Variants in TTC28 observed in about 807,000 individuals in gnomAD.
TTC28 encodes the protein tetratricopeptide repeat domain 28, also known as tetratricopeptide repeat protein 28.
Under a neutral mutation model 198.0 loss-of-function variants are expected in TTC28, and 61 were observed. The ratio of observed to expected loss-of-function variants is 0.31; its 90% CI spans 0.25 to 0.38. The LOEUF is 0.38. TTC28 is among the 10% of genes least tolerant of loss of function. The probability of loss-of-function intolerance (pLI) is 1.00; values close to 1 mark genes in which losing one functional copy is unlikely to be tolerated. For missense variants in TTC28, 2,678 were observed against 3,164.0 expected (o/e 0.85, Z 3.69); for synonymous variants, 1,171 against 1,297.8 (o/e 0.90, Z 2.10).
intron 2 of TTC28, among the ~76,000 whole-genome samples, chr22:28,428,611 TTTTA>T (rs2047385268): frequency 1.4e-5 from 1 of 70,116 alleles, no homozygotes. Flanking sequence ...TGAATTATTA[TTTTA>T]TTTTATTTTA....
intron 5 of TTC28, among the ~76,000 whole-genome samples, chr22:28,175,748 A>G (rs2147093049): frequency 6.6e-6 from 1 of 152,328 alleles, no homozygotes; most frequent in South Asian, 2.1e-4. Flanking sequence ...AAAAATTAAA[A>G]AATGGGCAAA....
chr22:28,634,429 G>C (rs2051231116), intron 1 of TTC28, among the ~76,000 whole-genome samples: 1 of 147,492 alleles, frequency 6.8e-6, no homozygotes, highest in Non-Finnish European at 1.5e-5. Flanking sequence ...AGAATTGCTT[G>C]AACCTGGGAA....
intron 2 of TTC28, among the ~76,000 whole-genome samples, chr22:28,597,036 C>T (rs1283626303): frequency 3.3e-5 from 5 of 152,128 alleles, no homozygotes; most frequent in Admixed American, 6.5e-5. Context: ...AGGGTAATAC[C>T]GAGTCATACC....
At chr22:28,081,576 TCTGCCTC>T (rs1432852170) in intron 12 of TTC28, among the ~76,000 whole-genome samples, 1 of 151,264 alleles carries the variant, frequency 6.6e-6, no homozygotes, top group Non-Finnish European at 1.5e-5. Flanking sequence ...CACTGCAACC[TCTGCCTC>T]CTGGGTTCAA....
chr22:28,108,688 T>C lies in TTC28; in HGVS notation c.1442-285A>G, dbSNP rs1601324932. ...AAAGGCAAAACAATACTGGAAAATA[T>C]ATTAAACATAAATGAAAAAGTTCAA... On this transcript the variant is annotated intron_variant, in intron 6 of 22. Transcript: ENST00000397906. Among the ~76,000 whole-genome samples the C allele has an allele frequency of 3.9e-5, 6 of 152,310 alleles. No homozygotes were observed. The South Asian group carries it at 1.2e-3, about 32-fold the overall frequency.
At chr22:27,989,732 C>A in intron 21 of TTC28, 146 bp downstream of exon 21, 1 of 1,081,676 alleles carries the variant, frequency 9.2e-7, no homozygotes. Context: ...CATGCGTGAG[C>A]CACTGTACCC....
intron 2 of TTC28, among the ~76,000 whole-genome samples, chr22:28,622,342 C>A (rs1393284963): frequency 2.0e-5 from 3 of 152,100 alleles, no homozygotes; most frequent in Non-Finnish European, 4.4e-5. Flanking sequence ...ATGTACGGAA[C>A]AAATTTCAAA....
chr22:28,445,739 T>G (rs1392451584), intron 2 of TTC28, among the ~76,000 whole-genome samples: 1 of 152,142 alleles, frequency 6.6e-6, no homozygotes, highest in African/African-American at 2.4e-5. Flanking sequence ...AGATATCATA[T>G]AGAAAGGCTG....
intron 2 of TTC28, among the ~76,000 whole-genome samples, chr22:28,567,479 CATATATATATATATATATATATAT>C (rs398040471): frequency 5.9e-5 from 3 of 51,128 alleles, no homozygotes; most frequent in Admixed American, 7.1e-4. Context: ...TACATACATA[CATATATATATATATATATATATAT>C]ATATATGTTT....
intron 2 of TTC28, among the ~76,000 whole-genome samples, chr22:28,566,577 A>G (rs2049973179): frequency 6.6e-6 from 1 of 152,246 alleles, no homozygotes; most frequent in Admixed American, 6.5e-5. Flanking sequence ...ACTGTGCTAC[A>G]TGAACAATAA....
At chr22:28,628,361 A>G (rs190541642) in intron 2 of TTC28, among the ~76,000 whole-genome samples, 230 of 152,244 alleles carry the variant, frequency 1.5e-3, no homozygotes, top group African/African-American at 5.4e-3. Context: ...ATACAACATG[A>G]TATTTTTGCT....
At chr22:28,402,985 A>C (rs1034923287) in intron 2 of TTC28, among the ~76,000 whole-genome samples, 2 of 152,224 alleles carry the variant, frequency 1.3e-5, no homozygotes, top group Admixed American at 6.5e-5. Flanking sequence ...AGAAATCAGC[A>C]AGAGGCCTAT....
At position 28,669,235 on chromosome 22, in the gene TTC28, T is replaced by C. The variant is rs1386348506; in HGVS notation, c.102+10387A>G. Among the ~76,000 whole-genome samples the C allele has an allele frequency of 2.8e-5, 4 of 140,740 alleles. No individual in the cohort carries two copies. The East Asian group carries it at 8.3e-4, about 29-fold the overall frequency. 92.3% of individuals were successfully genotyped at this position (140,740 alleles called of 152,430 possible). On this transcript the variant is annotated intron_variant, in intron 1 of 22. Coordinates refer to ENST00000397906, the MANE Select transcript of TTC28 (RefSeq NM_001145418.2). ...CATTAGTGGGTGCAGCGCACCAGCA[T>C]GGCACATGTATACATATGTAACTAA...
chr22:28,538,482 A>G (rs1020473361), intron 2 of TTC28, among the ~76,000 whole-genome samples: 1 of 151,914 alleles, frequency 6.6e-6, no homozygotes, highest in African/African-American at 2.4e-5. Flanking sequence ...CTGAAGAAAA[A>G]CCAGATTGCT....
intron 2 of TTC28, among the ~76,000 whole-genome samples, chr22:28,325,794 C>CTATTAGAATATATAT (rs2045520102): frequency 1.3e-5 from 2 of 151,886 alleles, no homozygotes; most frequent in Non-Finnish European, 2.9e-5. Context: ...AATAGAATAC[C>CTATTAGAATATATAT]ACTATATACC....
intron 12 of TTC28, among the ~76,000 whole-genome samples, chr22:28,079,485 T>C (rs761623361): frequency 9.2e-5 from 14 of 152,246 alleles, no homozygotes; most frequent in Non-Finnish European, 1.6e-4. Flanking sequence ...ACTGAAGCCC[T>C]ATATCCATTA....
intron 14 of TTC28, chr22:28,007,473 T>C (rs1221882983): frequency 6.6e-6 from 1 of 152,096 alleles, no homozygotes; most frequent in Non-Finnish European, 1.5e-5. Flanking sequence ...TAAGAAGGTA[T>C]TGGAGAAACG....
chr22:28,147,585 T>C (rs1943498547), intron 6 of TTC28, among the ~76,000 whole-genome samples: 1 of 152,216 alleles, frequency 6.6e-6, no homozygotes, highest in Admixed American at 6.5e-5. Context: ...CTTTTGATTC[T>C]GACAGCTCTA....
intron 2 of TTC28, among the ~76,000 whole-genome samples, chr22:28,446,766 A>ACAGT (rs530088034): frequency 5.6e-4 from 86 of 152,264 alleles, no homozygotes; most frequent in Non-Finnish European, 8.4e-4. Context: ...ACAGCAATAA[A>ACAGT]CAGTCCTGTA....
Sources: gnomAD v4.1 joint callset for allele counts (sites outside exome capture counted in the v4.1 genomes callset) on GRCh38, gnomAD v4.1.1 for gene constraint, MANE v1.5 for transcripts, NCBI Gene and HGNC (gene_info 2026-07-23, HGNC 2026-07-21) for gene names.